ELAVL4: variants seen among roughly 807,000 people sequenced by gnomAD.
ELAVL4 encodes ELAV-like protein 4.
ELAVL4 carries 1 observed loss-of-function variant against 35.6 expected under a neutral mutation model. That is an observed-to-expected ratio of 0.03 (90% CI 0.01 to 0.13). The LOEUF is 0.13. ELAVL4 is among the 10% of genes least tolerant of loss of function. ELAVL4 has a pLI of 1.00. For missense variants in ELAVL4, 267 were observed against 464.9 expected, an observed-to-expected ratio of 0.57 and a Z score of 3.91; for synonymous variants, 156 against 171.0, an observed-to-expected ratio of 0.91 and a Z score of 0.69.
rs980958461 is a variant in ELAVL4 at position 50,202,488 on chromosome 1, G to A, written c.*1310G>A. 6.6e-6 allele frequency: 1 copy of A among 152,086 alleles called. No homozygotes were observed. The highest frequency in any genetic ancestry group is 6.5e-5 in the Admixed American group (1 of 15,272). 9.4% of individuals were successfully genotyped at this position (152,086 alleles called of 1,614,324 possible). A position where few individuals can be genotyped will look rare whatever the true frequency, so the allele number is the denominator to read the frequency against. On this transcript the variant is annotated 3_prime_UTR_variant, in exon 7 of 7. Coordinates refer to ENST00000371824, the MANE Select transcript of ELAVL4 (RefSeq NM_001144774.3). The stretch of plus-strand genomic sequence containing the variant: ...ATGCTGATAGAATTGGGCTGTGTTG[G>A]TACATTTGAAACACTGTTTATGTTG...
chr1:50,102,015 C>T (rs1459757672), upstream of ELAVL4, among the ~76,000 whole-genome samples: 2 of 152,118 alleles, frequency 1.3e-5, no homozygotes, highest in African/African-American at 2.4e-5. Flanking sequence ...CATCCAGGTG[C>T]GGTGGCTCAC....
At position 50,195,639 on chromosome 1, in the gene ELAVL4, A is replaced by T; in HGVS notation, c.587A>T (p.Gln196Leu). The T allele has an allele frequency of 6.2e-7, 1 of 1,614,200 alleles. No individual in the cohort carries two copies. Among genetic ancestry groups the T allele is most frequent in the South Asian group, 1.1e-5 (1 of 91,084 alleles). Residue 196 changes from glutamine to leucine, a missense_variant, in exon 5 of 7, where the codon CAG becomes CTG. Physicochemically the swap from Gln to Leu is moderately radical, Grantham distance 113. This residue lies in a region of ELAVL4 where 216 missense variants were observed against 409.5 expected (regional missense o/e 0.53). Coordinates refer to ENST00000371824, the MANE Select transcript of ELAVL4 (RefSeq NM_001144774.3). ...AEEAIKGLNG[Q>L]KPSGATEPIT... ...GAAGCCATCAAAGGGCTGAATGGCC[A>T]GAAGCCCAGCGGTGCTACGGAACCG...
At chr1:50,092,518 C>T (rs1665540196) in intron 1 of ELAVL4, among the ~76,000 whole-genome samples, 1 of 152,196 alleles carries the variant, frequency 6.6e-6, no homozygotes, top group South Asian at 2.1e-4. Flanking sequence ...TGTTCCTGGA[C>T]TCATGCGACA....
intron 1 of ELAVL4, among the ~76,000 whole-genome samples, chr1:50,140,674 T>A (rs1031532152): frequency 6.6e-6 from 1 of 152,186 alleles, no homozygotes; most frequent in Admixed American, 6.5e-5. Context: ...AGGATGTATA[T>A]TAACACATTT....
At chr1:50,086,503 C>T (rs1665251415) in intron 1 of ELAVL4, among the ~76,000 whole-genome samples, 1 of 147,482 alleles carries the variant, frequency 6.8e-6, no homozygotes, top group Admixed American at 7.0e-5. Context: ...TATATATACT[C>T]TCTCTGCTCT....
At chr1:50,145,319 T>C in intron 2 of ELAVL4, 122 bp downstream of exon 2, 2 of 1,430,198 alleles carry the variant, frequency 1.4e-6, no homozygotes, top group Non-Finnish European at 1.9e-6. Context: ...ATGGCATGGA[T>C]ACACAGTCAT....
At chr1:50,196,869 G>A (rs1644092606) in intron 5 of ELAVL4, among the ~76,000 whole-genome samples, 1 of 152,162 alleles carries the variant, frequency 6.6e-6, no homozygotes, top group Admixed American at 6.5e-5. Flanking sequence ...TAGCGTAATG[G>A]CAGTTTGCTG....
In ELAVL4 at chr1:50,197,637, C is replaced by A. The variant is rs1282652797; in HGVS notation, c.773+170C>A. On this transcript the variant is annotated intron_variant, in intron 6 of 6. Transcript: ENST00000371824. ...TTTCGGACCTCAGTTGATTTTGTTTCTTTTAGGGCACACAAAATGTATTTG... is the reference window on the plus strand; with the variant it reads ...TTTCGGACCTCAGTTGATTTTGTTTATTTTAGGGCACACAAAATGTATTTG... The A allele has an allele frequency of 1.2e-5, 7 of 561,326 alleles. No homozygotes were observed. In the East Asian group the frequency reaches 2.0e-4, roughly 16 times the overall value. 34.8% of individuals were successfully genotyped at this position (561,326 alleles called of 1,614,324 possible). A position where few individuals can be genotyped will look rare whatever the true frequency, so the allele number is the denominator to read the frequency against.
chr1:50,067,107 C>G (rs1664300879), intron 1 of ELAVL4, among the ~76,000 whole-genome samples: 1 of 152,118 alleles, frequency 6.6e-6, no homozygotes, highest in Non-Finnish European at 1.5e-5. Context: ...TCACTTTCCC[C>G]TCCCCAAGAA....
In ELAVL4 at chr1:50,203,691, T is replaced by A. The variant is rs974885484; in HGVS notation, c.*2513T>A. On this transcript the variant is annotated 3_prime_UTR_variant, in exon 7 of 7. Coordinates refer to ENST00000371824, the MANE Select transcript of ELAVL4 (RefSeq NM_001144774.3). Reference sequence around the variant, plus strand: ...GATTTCCAAGGGAAAGTATTGTAAATGTTTTTTTTTCATAATCTTGTTGTG... The same window carrying A: ...GATTTCCAAGGGAAAGTATTGTAAAAGTTTTTTTTTCATAATCTTGTTGTG... 6.6e-6 allele frequency: 1 copy of A among 152,150 alleles called. No individual in the cohort carries two copies. The highest frequency in any genetic ancestry group is 6.6e-5 in the Admixed American group (1 of 15,264). The allele number at this position is 152,150 out of a possible 1,614,324, so 9.4% of individuals were successfully genotyped here.
intron 1 of ELAVL4, among the ~76,000 whole-genome samples, chr1:50,056,581 G>A (rs564673206): frequency 1.3e-5 from 2 of 152,140 alleles, no homozygotes; most frequent in Non-Finnish European, 2.9e-5. Flanking sequence ...ACTTGATAAT[G>A]TTAATACATT....
At chr1:50,164,425 C>T (rs1352158478) in intron 2 of ELAVL4, among the ~76,000 whole-genome samples, 1 of 152,210 alleles carries the variant, frequency 6.6e-6, no homozygotes, top group Non-Finnish European at 1.5e-5. Flanking sequence ...TAATTTTCTT[C>T]CACTGCCTGA....
chr1:50,150,125 G>T (rs748628939), intron 2 of ELAVL4, among the ~76,000 whole-genome samples: 1 of 152,146 alleles, frequency 6.6e-6, no homozygotes. Context: ...AAGAAGTAGC[G>T]CTGGAACATG....
intron 1 of ELAVL4, among the ~76,000 whole-genome samples, chr1:50,069,252 T>A (rs998434438): frequency 6.6e-6 from 1 of 152,174 alleles, no homozygotes; most frequent in Admixed American, 6.5e-5. Flanking sequence ...CTCTGTGAGG[T>A]CTTCTGCTTA....
intron 1 of ELAVL4, among the ~76,000 whole-genome samples, chr1:50,068,896 G>C (rs1557685013): frequency 6.6e-6 from 1 of 152,186 alleles, no homozygotes; most frequent in Non-Finnish European, 1.5e-5. Context: ...GGATCACAGA[G>C]TGGTTTTATT....
At chr1:50,071,688 G>A (rs922006307) in intron 1 of ELAVL4, among the ~76,000 whole-genome samples, 10 of 152,094 alleles carry the variant, frequency 6.6e-5, no homozygotes, top group East Asian at 5.8e-4. Flanking sequence ...TGAACATGAC[G>A]GAAACTGTAA....
intron 1 of ELAVL4, among the ~76,000 whole-genome samples, chr1:50,132,280 A>G (rs1670991265): frequency 6.6e-6 from 1 of 152,238 alleles, no homozygotes; most frequent in South Asian, 2.1e-4. Context: ...AACAGAGATC[A>G]GGGAAATTTT....
At chr1:50,187,886 A>G (rs941286020) in intron 3 of ELAVL4, among the ~76,000 whole-genome samples, 2 of 152,216 alleles carry the variant, frequency 1.3e-5, no homozygotes, top group Non-Finnish European at 2.9e-5. Flanking sequence ...ATCTGAGGTC[A>G]GGAGTTCGAG....
chr1:50,142,800 C>T (rs930936748), intron 1 of ELAVL4, among the ~76,000 whole-genome samples: 1 of 152,010 alleles, frequency 6.6e-6, no homozygotes, highest in African/African-American at 2.4e-5. Context: ...CATTTTTGTA[C>T]CAAAATGTTG....
Sources: allele counts gnomAD v4.1 joint callset (sites outside exome capture counted in the v4.1 genomes callset), GRCh38; gene constraint gnomAD v4.1.1; regional missense constraint gnomAD v4.1.1; transcripts MANE v1.5; gene names NCBI Gene and HGNC (gene_info 2026-07-23, HGNC 2026-07-21).